Variants in ELK3 observed in about 807,000 individuals in gnomAD.
ELK3 encodes ETS domain-containing protein Elk-3.
In ELK3, 10 loss-of-function variants were observed where a neutral mutation model predicts 28.9. The observed-to-expected ratio is 0.35, with a 90% CI of 0.21 to 0.59. The LOEUF is 0.59. Ranked by LOEUF, ELK3 falls within the 20% of genes least tolerant of loss-of-function variation. ELK3 has a pLI of 0.82. For missense variants in ELK3, 463 were observed against 517.3 expected (o/e 0.90, Z 1.02); for synonymous variants, 272 against 243.5 (o/e 1.12, Z -1.09).
At chr12:96,216,855 A>C (rs954823705) in intron 1 of ELK3, among the ~76,000 whole-genome samples, 19 of 152,222 alleles carry the variant, frequency 1.2e-4, no homozygotes, top group Non-Finnish European at 2.5e-4. Flanking sequence ...CCACAACCAG[A>C]CAGGACGAGT....
At chr12:96,238,676 T>C (rs1256092181) in intron 2 of ELK3, among the ~76,000 whole-genome samples, 2 of 152,208 alleles carry the variant, frequency 1.3e-5, no homozygotes, top group Admixed American at 1.3e-4. Flanking sequence ...CATGTTAGGG[T>C]GTCCCTCCAA....
chr12:96,223,946 C>T, intron 2 of ELK3, 173 bp downstream of exon 2: 1 of 672,002 alleles, frequency 1.5e-6, no homozygotes. Flanking sequence ...TCCCCACCCT[C>T]TGGACGCCCT....
intron 1 of ELK3, among the ~76,000 whole-genome samples, chr12:96,196,442 TC>T (rs1384482807): frequency 6.6e-6 from 1 of 151,954 alleles, no homozygotes; most frequent in African/African-American, 2.4e-5. Flanking sequence ...TGGAGCATGT[TC>T]CAGGCATCTA....
intron 1 of ELK3, among the ~76,000 whole-genome samples, chr12:96,213,107 A>G (rs191981269): frequency 7.2e-5 from 11 of 152,346 alleles, no homozygotes; most frequent in Non-Finnish European, 1.6e-4. Flanking sequence ...AAGGCTTCAT[A>G]TAAGGCATAT....
rs1035332581 is a variant in ELK3, at chr12:96,268,375, A to G, written c.*1195A>G. The stretch of plus-strand genomic sequence containing the variant: ...GAGAATGAAGGAAATCTGACAGATG[A>G]AAAATTCTACAGGAACCTCATCATC... On this transcript the variant is annotated 3_prime_UTR_variant, in exon 5 of 5. Transcript: ENST00000228741. 5 of 152,234 alleles carry G rather than the reference A, an allele frequency of 3.3e-5. No individual in the cohort carries two copies. The highest frequency in any genetic ancestry group is 1.2e-4 in the African/African-American group (5 of 41,470). The allele number at this position is 152,234 out of a possible 1,614,324, so 9.4% of individuals were successfully genotyped here.
chr12:96,204,972 T>C (rs548254923), intron 1 of ELK3, among the ~76,000 whole-genome samples: 16 of 151,726 alleles, frequency 1.1e-4, no homozygotes, highest in Non-Finnish European at 2.2e-4. Flanking sequence ...AGGTGAGGAG[T>C]GTGTATGCGC....
chr12:96,249,127 G>C (rs1951882093), intron 3 of ELK3, among the ~76,000 whole-genome samples: 1 of 152,202 alleles, frequency 6.6e-6, no homozygotes, highest in South Asian at 2.1e-4. Flanking sequence ...GAGGCACAGA[G>C]GTAAAGTAGT....
rs184409998 is a variant in ELK3, at chr12:96,254,834, A to C, written c.1003-4897A>C. On this transcript the variant is annotated intron_variant, in intron 3 of 4. Transcript: ENST00000228741. ...CTGGAGGGGGTGAGACCACTGGTAC[A>C]GGGTGTTGAAGGATCAGCCTGTGGC... is the stretch of plus-strand genomic sequence containing the variant. Among the ~76,000 whole-genome samples, 12 of 152,232 alleles carry C rather than the reference A, an allele frequency of 7.9e-5. No individual in the cohort carries two copies. The East Asian group carries it at 2.1e-3, about 27-fold the overall frequency.
At chr12:96,201,532 G>C (rs1160809750) in intron 1 of ELK3, among the ~76,000 whole-genome samples, 3 of 138,550 alleles carry the variant, frequency 2.2e-5, no homozygotes, top group Non-Finnish European at 4.5e-5. Flanking sequence ...AGTGAACCAT[G>C]ATTGCGCCAC....
Position 96,259,409 on chromosome 12 carries a change from G to A in ELK3, c.1003-322G>A, listed in dbSNP as rs146893833. On this transcript the variant is annotated intron_variant, in intron 3 of 4. Coordinates refer to ENST00000228741, the MANE Select transcript of ELK3 (RefSeq NM_005230.4). ...TCTACTAAAAATACAAAAATTAGTC[G>A]GTGGTGGGTGCCTGTAATCCCAGCT... Among the ~76,000 whole-genome samples, 1,109 of 152,162 alleles carry A rather than the reference G, an allele frequency of 7.3e-3. 8 individuals are homozygous for A. The highest frequency in any genetic ancestry group is 0.025 in the African/African-American group (1,050 of 41,518).
intron 2 of ELK3, among the ~76,000 whole-genome samples, chr12:96,240,489 G>GCT (rs1951813296): frequency 1.3e-5 from 2 of 152,290 alleles, no homozygotes; most frequent in South Asian, 4.1e-4. Flanking sequence ...TACATGAGAA[G>GCT]CTGAGGCATT....
chr12:96,240,089 T>C (rs949893705), intron 2 of ELK3, among the ~76,000 whole-genome samples: 2 of 152,198 alleles, frequency 1.3e-5, no homozygotes, highest in African/African-American at 4.8e-5. Flanking sequence ...AGGCACAATA[T>C]AATATAAGCC....
intron 2 of ELK3, among the ~76,000 whole-genome samples, chr12:96,233,452 G>A (rs1331109751): frequency 1.3e-5 from 2 of 152,156 alleles, no homozygotes; most frequent in African/African-American, 2.4e-5. Context: ...TTAGCCTCAC[G>A]ATGTACTGAA....
intron 2 of ELK3, among the ~76,000 whole-genome samples, chr12:96,227,615 A>G (rs1951712603): frequency 6.7e-6 from 1 of 149,674 alleles, no homozygotes; most frequent in Admixed American, 6.6e-5. Context: ...GCGGTCAGAA[A>G]GGCCCCGGAG....
intron 2 of ELK3, among the ~76,000 whole-genome samples, chr12:96,245,098 T>C (rs534836754): frequency 1.2e-3 from 176 of 152,258 alleles, no homozygotes; most frequent in Non-Finnish European, 2.0e-3. Flanking sequence ...GCCTGTATGC[T>C]GGTGCTCAGT....
chr12:96,216,124 C>T (rs933573580), intron 1 of ELK3, among the ~76,000 whole-genome samples: 1 of 152,174 alleles, frequency 6.6e-6, no homozygotes, highest in Admixed American at 6.5e-5. Context: ...TGTAGGGCCC[C>T]ATCTGCAGCG....
intron 2 of ELK3, among the ~76,000 whole-genome samples, chr12:96,240,385 C>T (rs1169131182): frequency 6.6e-6 from 1 of 152,118 alleles, no homozygotes; most frequent in East Asian, 1.9e-4. Flanking sequence ...TGTTATGGGG[C>T]TTGTCATGCG....
chr12:96,257,974 T>C (rs1951964089), intron 3 of ELK3, among the ~76,000 whole-genome samples: 3 of 152,262 alleles, frequency 2.0e-5, no homozygotes, highest in Admixed American at 1.3e-4. Context: ...CTGGCACTTG[T>C]TGAGCATTTC....
At chr12:96,235,344 T>C (rs867894880) in intron 2 of ELK3, among the ~76,000 whole-genome samples, 11 of 152,106 alleles carry the variant, frequency 7.2e-5, no homozygotes, top group Middle Eastern at 3.4e-3. Flanking sequence ...GTCTGTTCCA[T>C]GGCCCCTCCC....
Sources: gnomAD v4.1 joint callset for allele counts (sites outside exome capture counted in the v4.1 genomes callset) on GRCh38, gnomAD v4.1.1 for gene constraint, MANE v1.5 for transcripts, NCBI Gene and HGNC (gene_info 2026-07-23, HGNC 2026-07-21) for gene names.